AXL: variants seen among roughly 807,000 people sequenced by gnomAD.
The protein encoded by AXL is AXL receptor tyrosine kinase, also known as tyrosine-protein kinase receptor UFO.
A neutral mutation model predicts 104.5 loss-of-function variants in AXL; 52 were observed. The observed-to-expected ratio is 0.50, with a 90% CI of 0.40 to 0.63. The LOEUF (loss-of-function observed/expected upper bound fraction) is 0.63. AXL is among the 20% of genes least tolerant of loss of function. The probability of loss-of-function intolerance (pLI) is 0.00; values close to 1 mark genes in which losing one functional copy is unlikely to be tolerated. For missense variants in AXL, 1,024 were observed against 1,188.5 expected (o/e 0.86, Z 2.04); for synonymous variants, 455 against 473.7 (o/e 0.96, Z 0.51).
In AXL at chr19:41,238,085, G is replaced by A. The variant is rs769316836; in HGVS notation, c.925G>A (p.Val309Met). The A allele has an allele frequency of 3.1e-6, 5 of 1,613,724 alleles. No individual in the cohort carries two copies. Among genetic ancestry groups the A allele is most frequent in the African/African-American group, 1.3e-5 (1 of 74,848 alleles). ...LHPHTPYHIRVACTSSQGPSS... is the reference protein window; with the variant it reads ...LHPHTPYHIRMACTSSQGPSS... ...TCCTCACACCCCTTATCACATCCGC[G>A]TGGCATGCACCAGCAGCCAGGGCCC... The change falls in exon 7 of 20, where the codon GTG becomes ATG. Residue 309 changes from valine (V) to methionine (M), a missense_variant. Coordinates refer to ENST00000301178, the MANE Select transcript of AXL (RefSeq NM_021913.5).
intron 10 of AXL, 58 bp from the exon 11 acceptor site, chr19:41,242,825 T>G: frequency 6.2e-7 from 1 of 1,605,806 alleles, no homozygotes; most frequent in Non-Finnish European, 8.5e-7. Context: ...CCCCTTTGGG[T>G]CCCAGAGAGC....
chr19:41,219,609 G>T (rs2033748479), intron 1 of AXL, 132 bp downstream of exon 1: 1 of 995,070 alleles, frequency 1.0e-6, no homozygotes, highest in Admixed American at 2.4e-5. Flanking sequence ...ACAGAAAAGG[G>T]ACTTCAAGGG....
intron 10 of AXL, 49 bp downstream of exon 10, chr19:41,239,769 GT>G (rs2034149028): frequency 6.2e-7 from 1 of 1,605,798 alleles, no homozygotes. Context: ...TCAACACCTA[GT>G]GGGGGCACTG....
At chr19:41,252,481 A>G in intron 15 of AXL, 38 bp downstream of exon 15, 1 of 1,596,272 alleles carries the variant, frequency 6.3e-7, no homozygotes, top group Non-Finnish European at 8.6e-7. Context: ...TACAAGCCCC[A>G]TGGGGGCCAT....
intron 17 of AXL, among the ~76,000 whole-genome samples, chr19:41,254,672 C>T (rs1287991128): frequency 1.3e-5 from 2 of 151,582 alleles, no homozygotes; most frequent in African/African-American, 4.8e-5. Context: ...TAATCCCAGC[C>T]CTTTGGGAGG....
intron 13 of AXL, 22 bp downstream of exon 13, chr19:41,248,631 AC>A: frequency 6.2e-7 from 1 of 1,613,418 alleles, no homozygotes; most frequent in South Asian, 1.1e-5. Context: ...GGCAGCATAC[AC>A]ACATCCTTCT....
rs1410845785 is a variant in AXL, at chr19:41,221,413, C to T, written c.409+167C>T. On this transcript the variant is annotated intron_variant, in intron 3 of 19. Coordinates refer to ENST00000301178, the MANE Select transcript of AXL (RefSeq NM_021913.5). The stretch of plus-strand genomic sequence containing the variant: ...GTCAGAGTTTTGGGTGGTCAAGAAG[C>T]TGGGAGTCCATATAAGTTATGGTGC... The T allele has an allele frequency of 5.0e-6, 3 of 600,748 alleles. No homozygotes were observed. The Admixed American group carries it at 1.0e-4, about 20-fold the overall frequency. 37.2% of individuals were successfully genotyped at this position (600,748 alleles called of 1,614,324 possible). A position where few individuals can be genotyped will look rare whatever the true frequency, so the allele number is the denominator to read the frequency against.
intron 12 of AXL, 76 bp from the exon 13 acceptor site, chr19:41,248,438 A>G: frequency 5.1e-6 from 7 of 1,367,016 alleles, no homozygotes; most frequent in South Asian, 1.2e-5. Context: ...CAATGGATCT[A>G]TCCCTACTGG....
rs371265229 is a variant in AXL, at chr19:41,252,820, G to C, written c.1805-26G>C. 21 of 1,612,928 alleles carry C rather than the reference G, an allele frequency of 1.3e-5. No individual in the cohort carries two copies. The African/African-American group carries it at 2.7e-4, about 21-fold the overall frequency. ...TGGCTTCCCCTTCTGCCCAGCAGGA[G>C]TGACAGGGCTACCTGGGGGGCTCAG... is the stretch of plus-strand genomic sequence containing the variant. On this transcript the variant is annotated intron_variant, in intron 15 of 19. Transcript: ENST00000301178.
chr19:41,233,905 C>A (rs563116133), intron 6 of AXL, among the ~76,000 whole-genome samples: 1 of 152,138 alleles, frequency 6.6e-6, no homozygotes, highest in South Asian at 2.1e-4. Flanking sequence ...GTCTCACTTC[C>A]TGCTGCACAT....
chr19:41,253,953 G>A (rs1261940717), intron 17 of AXL, among the ~76,000 whole-genome samples: 1 of 151,992 alleles, frequency 6.6e-6, no homozygotes, highest in East Asian at 1.9e-4. Flanking sequence ...TCAGTGCACA[G>A]CATGAGGTGA....
intron 19 of AXL, among the ~76,000 whole-genome samples, chr19:41,258,339 C>T (rs911272369): frequency 6.6e-6 from 1 of 152,210 alleles, no homozygotes; most frequent in Non-Finnish European, 1.5e-5. Context: ...ATCATTTGGT[C>T]CTTACCACAG....
At chr19:41,227,732 A>C (rs964820691) in intron 4 of AXL, among the ~76,000 whole-genome samples, 1 of 151,460 alleles carries the variant, frequency 6.6e-6, no homozygotes, top group Admixed American at 6.6e-5. Flanking sequence ...CAAGTGATCC[A>C]CCCGCCTCGG....
rs2034510640 is a variant in AXL, at chr19:41,259,872, C to G, written c.2653C>G (p.Pro885Ala). 6.3e-7 allele frequency: 1 copy of G among 1,598,302 alleles called. No homozygotes were observed. The highest frequency in any genetic ancestry group is 8.5e-7 in the Non-Finnish European group (1 of 1,170,398). ...CGCTCAGCCTGCTGATAGGGGCTCC[C>G]CAGCAGCCCCAGGGCAGGAGGATGG... ...SPAQPADRGS[P>A]AAPGQEDGA Residue 885 changes from proline (P) to alanine (A), a missense_variant, in exon 20 of 20, where the codon CCA (proline) becomes GCA (alanine). Coordinates refer to ENST00000301178, the MANE Select transcript of AXL (RefSeq NM_021913.5).
chr19:41,237,178 A>G (rs530623579), intron 6 of AXL, among the ~76,000 whole-genome samples: 3 of 152,222 alleles, frequency 2.0e-5, no homozygotes, highest in East Asian at 3.9e-4. Flanking sequence ...CTTCTAGAAC[A>G]TTGCTTTTGC....
In AXL at chr19:41,224,635, C is replaced by T. The variant is rs187453037; in HGVS notation, c.586+2579C>T. Reference sequence around the variant, plus strand: ...CTGGCCTCAAGTGATCCTCCCGCCTCGGCCTCCCAAAGTGTTGGGATTTAC... The same window carrying T: ...CTGGCCTCAAGTGATCCTCCCGCCTTGGCCTCCCAAAGTGTTGGGATTTAC... On this transcript the variant is annotated intron_variant, in intron 4 of 19. Transcript: ENST00000301178. Among the ~76,000 whole-genome samples, 950 of 152,320 alleles carry T rather than the reference C, an allele frequency of 6.2e-3. 7 individuals carry two copies. The highest frequency in any genetic ancestry group is 0.011 in the Non-Finnish European group (719 of 68,038).
intron 4 of AXL, among the ~76,000 whole-genome samples, chr19:41,227,983 C>T (rs997892511): frequency 1.3e-5 from 2 of 152,130 alleles, no homozygotes; most frequent in South Asian, 2.1e-4. Context: ...GTACTCAGAA[C>T]GGCATGCAAT....
intron 14 of AXL, among the ~76,000 whole-genome samples, chr19:41,250,555 GC>G (rs1274560813): frequency 1.3e-5 from 2 of 152,116 alleles, no homozygotes; most frequent in Non-Finnish European, 2.9e-5. Flanking sequence ...CGATTCTTCT[GC>G]CTCAGCCTCC....
intron 10 of AXL, among the ~76,000 whole-genome samples, chr19:41,241,938 G>C (rs961786278): frequency 1.3e-5 from 2 of 152,148 alleles, no homozygotes; most frequent in Admixed American, 6.6e-5. Flanking sequence ...CCTTGCACAC[G>C]CTTCATGCAC....
Sources: gnomAD v4.1 joint callset for allele counts (sites outside exome capture counted in the v4.1 genomes callset) on GRCh38, gnomAD v4.1.1 for gene constraint, MANE v1.5 for transcripts, NCBI Gene and HGNC (gene_info 2026-07-23, HGNC 2026-07-21) for gene names.